RGS7: variants seen among roughly 807,000 people sequenced by gnomAD.
RGS7 encodes regulator of G protein signaling 7, also known as regulator of G-protein signaling 7.
A neutral mutation model predicts 81.1 loss-of-function variants in RGS7; 27 were observed. The ratio of observed to expected loss-of-function variants is 0.33; its 90% CI spans 0.25 to 0.46. The LOEUF is 0.46. Ranked by LOEUF, RGS7 falls within the 20% of genes least tolerant of loss-of-function variation. The pLI is 1.00. For synonymous variants in RGS7, 208 were observed against 207.7 expected (o/e 1.00, Z -0.01); for missense variants, 396 against 607.4 (o/e 0.65, Z 3.66).
chr1:240,900,712 G>A (rs35812981), intron 6 of RGS7, among the ~76,000 whole-genome samples: 19,506 of 152,216 alleles, frequency 0.13, 1,369 homozygotes, highest in Middle Eastern at 0.18. Flanking sequence ...CTACTGGGAT[G>A]TGCCTCCCAG....
At chr1:241,240,173 G>A (rs1462730621) in intron 2 of RGS7, among the ~76,000 whole-genome samples, 1 of 152,166 alleles carries the variant, frequency 6.6e-6, no homozygotes, top group African/African-American at 2.4e-5. Context: ...AAACCAAAGT[G>A]TTTTAGAAGG....
chr1:241,341,723 C>G (rs2082560335), intron 2 of RGS7, among the ~76,000 whole-genome samples: 1 of 152,224 alleles, frequency 6.6e-6, no homozygotes, highest in South Asian at 2.1e-4. Context: ...CATAGCAACT[C>G]TAAGACGCAG....
intron 2 of RGS7, among the ~76,000 whole-genome samples, chr1:241,100,901 C>T (rs901870905): frequency 1.2e-4 from 18 of 152,158 alleles, no homozygotes; most frequent in Non-Finnish European, 2.2e-4. Flanking sequence ...TTGTCTCTGC[C>T]CCCTAATTTA....
intron 18 of RGS7, among the ~76,000 whole-genome samples, chr1:240,791,303 C>T (rs1049587004): frequency 8.5e-5 from 13 of 152,226 alleles, no homozygotes; most frequent in African/African-American, 2.2e-4. Flanking sequence ...ATGACAACAG[C>T]CATCAAAATA....
Position 240,969,078 on chromosome 1 carries a change from T to G in RGS7, c.226+14001A>C, listed in dbSNP as rs531519996. ...GTACATTTCTCTGTCATTTTCTGAG[T>G]GGCTACCCTGATGAATAGGCACATC... is the stretch of plus-strand genomic sequence containing the variant. On this transcript the variant is annotated intron_variant, in intron 4 of 18. Transcript: ENST00000440928. Among the ~76,000 whole-genome samples the G allele has an allele frequency of 8.5e-5, 13 of 152,344 alleles. No homozygotes were observed. The East Asian group carries it at 2.5e-3, about 29-fold the overall frequency.
At chr1:241,223,084 A>G (rs563846993) in intron 2 of RGS7, among the ~76,000 whole-genome samples, 1 of 152,284 alleles carries the variant, frequency 6.6e-6, no homozygotes, top group African/African-American at 2.4e-5. Context: ...TTTAAATAAC[A>G]TATAGTTTCC....
chr1:240,857,224 T>A (rs1001951942), intron 9 of RGS7, among the ~76,000 whole-genome samples: 7 of 152,172 alleles, frequency 4.6e-5, no homozygotes, highest in African/African-American at 1.7e-4. Flanking sequence ...TTTTGTTATG[T>A]CATGGACTTT....
chr1:241,025,067 T>C (rs2059720266), intron 3 of RGS7, among the ~76,000 whole-genome samples: 1 of 152,204 alleles, frequency 6.6e-6, no homozygotes, highest in Non-Finnish European at 1.5e-5. Context: ...AAATATTAAA[T>C]GCTATCAGGA....
intron 2 of RGS7, among the ~76,000 whole-genome samples, chr1:241,339,735 C>A (rs943208353): frequency 1.3e-5 from 2 of 152,108 alleles, no homozygotes; most frequent in Non-Finnish European, 2.9e-5. Flanking sequence ...AAGGTGCATG[C>A]CCTTTTTTTA....
chr1:240,782,508 G>A (rs893693281), intron 18 of RGS7, among the ~76,000 whole-genome samples: 10 of 152,014 alleles, frequency 6.6e-5, no homozygotes, highest in Admixed American at 4.6e-4. Flanking sequence ...CTGCAGCTTC[G>A]ACCTCCCAGG....
At chr1:241,181,568 C>CAG in intron 2 of RGS7, among the ~76,000 whole-genome samples, 1 of 152,278 alleles carries the variant, frequency 6.6e-6, no homozygotes, top group South Asian at 2.1e-4. Context: ...AATTAAAGGT[C>CAG]AGAGCTGCTA....
intron 6 of RGS7, among the ~76,000 whole-genome samples, chr1:240,916,859 G>A (rs1187311554): frequency 6.6e-6 from 1 of 151,958 alleles, no homozygotes; most frequent in African/African-American, 2.4e-5. Context: ...ATTTTGTTAT[G>A]GTGGCTCTAG....
intron 9 of RGS7, among the ~76,000 whole-genome samples, chr1:240,867,641 T>C (rs961226549): frequency 6.6e-6 from 1 of 152,202 alleles, no homozygotes; most frequent in African/African-American, 2.4e-5. Flanking sequence ...CTGATTTGAA[T>C]TTGAGCCACA....
At chr1:240,911,971 C>T (rs1376607482) in intron 6 of RGS7, among the ~76,000 whole-genome samples, 1 of 148,836 alleles carries the variant, frequency 6.7e-6, no homozygotes, top group Non-Finnish European at 1.5e-5. Context: ...GAAACCTGGT[C>T]TCTACTAAAA....
chr1:241,152,805 C>T (rs1281340892), intron 2 of RGS7, among the ~76,000 whole-genome samples: 3 of 152,190 alleles, frequency 2.0e-5, no homozygotes, highest in Non-Finnish European at 4.4e-5. Context: ...GCTGAGCCCC[C>T]TGAGAAGCAA....
chr1:241,055,010 A>G (rs1335391135), intron 3 of RGS7, among the ~76,000 whole-genome samples: 1 of 152,228 alleles, frequency 6.6e-6, no homozygotes, highest in Non-Finnish European at 1.5e-5. Context: ...GCAGTTTGGT[A>G]AATCATGACA....
intron 2 of RGS7, among the ~76,000 whole-genome samples, chr1:241,308,536 C>T (rs1056633659): frequency 5.3e-5 from 8 of 152,174 alleles, no homozygotes; most frequent in Admixed American, 4.6e-4. Flanking sequence ...CTGAGAGACC[C>T]AGAGAAGACT....
intron 6 of RGS7, among the ~76,000 whole-genome samples, chr1:240,907,835 C>A (rs990704735): frequency 6.6e-6 from 1 of 152,090 alleles, no homozygotes; most frequent in East Asian, 1.9e-4. Context: ...TGAAACATGG[C>A]GTCTTGTCGG....
At chr1:240,842,374 T>G (rs1191862656) in intron 9 of RGS7, among the ~76,000 whole-genome samples, 2 of 151,350 alleles carry the variant, frequency 1.3e-5, no homozygotes, top group Non-Finnish European at 2.9e-5. Flanking sequence ...AATTTTTATA[T>G]TTTTAGTAGA....
Sources: allele counts gnomAD v4.1 joint callset (sites outside exome capture counted in the v4.1 genomes callset), GRCh38; gene constraint gnomAD v4.1.1; transcripts MANE v1.5; gene names NCBI Gene and HGNC (gene_info 2026-07-23, HGNC 2026-07-21).